Variants in KDM4C observed in about 807,000 individuals in gnomAD.
KDM4C encodes lysine-specific demethylase 4C.
KDM4C carries 81 observed loss-of-function variants against 129.3 expected under a neutral mutation model. The ratio of observed to expected loss-of-function variants is 0.63; its 90% confidence interval spans 0.52 to 0.75. The LOEUF (loss-of-function observed/expected upper bound fraction) is 0.75, where lower values mean the gene tolerates loss of function less well. Ranked by LOEUF, KDM4C falls within the 30% of genes least tolerant of loss-of-function variation. The probability of loss-of-function intolerance (pLI) is 0.00; values close to 1 mark genes in which losing one functional copy is unlikely to be tolerated. For synonymous variants in KDM4C, 573 were observed against 456.1 expected (o/e 1.26, Z -3.26); for missense variants, 1,457 against 1,304.0 (o/e 1.12, Z -1.81).
intron 8 of KDM4C, among the ~76,000 whole-genome samples, chr9:6,909,411 A>C (rs1818877415): frequency 6.6e-6 from 1 of 152,206 alleles, no homozygotes; most frequent in African/African-American, 2.4e-5. Flanking sequence ...TGGGTGTGTG[A>C]TGACCATCTG....
At chr9:7,023,290 C>A (rs1011717946) in intron 15 of KDM4C, among the ~76,000 whole-genome samples, 5 of 151,930 alleles carry the variant, frequency 3.3e-5, no homozygotes, top group Non-Finnish European at 5.9e-5. Flanking sequence ...ACTGGGAGAC[C>A]TTTTTATTAT....
intron 1 of KDM4C, among the ~76,000 whole-genome samples, chr9:6,728,414 A>T (rs995177151): frequency 5.3e-5 from 8 of 152,052 alleles, no homozygotes; most frequent in Non-Finnish European, 1.0e-4. Context: ...CGCGCCTGAA[A>T]TCCCCACTAC....
intron 1 of KDM4C, among the ~76,000 whole-genome samples, chr9:6,773,770 CAAA>C (rs963946653): frequency 3.9e-5 from 3 of 77,210 alleles, no homozygotes; most frequent in African/African-American, 4.5e-5. Context: ...GACTCTGTCT[CAAA>C]AAAAAAAAAA....
At chr9:6,919,247 T>TTTCTTTTC in intron 8 of KDM4C, among the ~76,000 whole-genome samples, 161 of 106,344 alleles carry the variant, frequency 1.5e-3, no homozygotes, top group Admixed American at 7.9e-3. Flanking sequence ...TCTTTCTTTC[T>TTTCTTTTC]TTTCTTTCTT....
chr9:6,810,467 C>G (rs1830941767), intron 3 of KDM4C, among the ~76,000 whole-genome samples: 1 of 152,052 alleles, frequency 6.6e-6, no homozygotes, highest in Non-Finnish European at 1.5e-5. Flanking sequence ...TCTTGACATT[C>G]TGGGGTTTAG....
chr9:6,778,735 C>A (rs1019055130), intron 1 of KDM4C, among the ~76,000 whole-genome samples: 1 of 151,696 alleles, frequency 6.6e-6, no homozygotes, highest in Non-Finnish European at 1.5e-5. Context: ...CCACTACACT[C>A]CAGCCTGGGT....
chr9:6,846,449 T>C (rs1376298529), intron 4 of KDM4C, among the ~76,000 whole-genome samples: 1 of 152,174 alleles, frequency 6.6e-6, no homozygotes, highest in Non-Finnish European at 1.5e-5. Flanking sequence ...ACAGACCTGG[T>C]ACTGTTCAGA....
At chr9:7,046,992 C>T in intron 16 of KDM4C, 75 bp downstream of exon 16, 3 of 1,037,310 alleles carry the variant, frequency 2.9e-6, no homozygotes, top group Non-Finnish European at 4.5e-6. Context: ...TGACAGTTCG[C>T]TTTACCTCTC....
At chr9:6,859,652 G>A (rs767404035) in intron 5 of KDM4C, among the ~76,000 whole-genome samples, 15 of 150,300 alleles carry the variant, frequency 1.0e-4, no homozygotes, top group South Asian at 2.1e-4. Flanking sequence ...CGCGAGATCC[G>A]GAGATCGAAA....
intron 5 of KDM4C, among the ~76,000 whole-genome samples, chr9:6,865,979 T>C (rs539222736): frequency 7.4e-4 from 112 of 152,190 alleles, no homozygotes; most frequent in Non-Finnish European, 1.3e-3. Flanking sequence ...GGTCTCGATC[T>C]CCTGACCTTG....
intron 17 of KDM4C, among the ~76,000 whole-genome samples, chr9:7,072,606 C>A (rs1833358667): frequency 6.6e-6 from 1 of 152,032 alleles, no homozygotes; most frequent in Admixed American, 6.6e-5. Context: ...TAGTGCTGGG[C>A]CTTATGCATG....
intron 15 of KDM4C, among the ~76,000 whole-genome samples, chr9:7,020,412 G>A (rs773531294): frequency 6.6e-6 from 1 of 152,144 alleles, no homozygotes; most frequent in African/African-American, 2.4e-5. Context: ...GACAGCTATA[G>A]CGTTTGACTT....
At chr9:6,935,542 C>G (rs1824617349) in intron 8 of KDM4C, among the ~76,000 whole-genome samples, 1 of 151,610 alleles carries the variant, frequency 6.6e-6, no homozygotes, top group South Asian at 2.1e-4. Context: ...CTTGGCCTCC[C>G]AAGTAGCTGG....
intron 20 of KDM4C, among the ~76,000 whole-genome samples, chr9:7,168,686 A>G (rs547747856): frequency 1.3e-5 from 2 of 152,314 alleles, no homozygotes; most frequent in East Asian, 3.9e-4. Context: ...CTTTGATGGC[A>G]TTTGATTGAA....
intron 8 of KDM4C, among the ~76,000 whole-genome samples, chr9:6,958,179 A>G (rs983243730): frequency 6.6e-6 from 1 of 152,038 alleles, no homozygotes; most frequent in Admixed American, 6.6e-5. Context: ...GTGACTCACA[A>G]TGCCGTCTTT....
chr9:7,169,918 A>G, intron 21 of KDM4C, 28 bp downstream of exon 21: 1 of 1,613,418 alleles, frequency 6.2e-7, no homozygotes, highest in East Asian at 2.2e-5. Flanking sequence ...CCACTTGGGG[A>G]CCTGCCAAGT....
intron 19 of KDM4C, among the ~76,000 whole-genome samples, chr9:7,139,031 G>A (rs556441170): frequency 6.6e-6 from 1 of 152,076 alleles, no homozygotes; most frequent in Non-Finnish European, 1.5e-5. Flanking sequence ...CAGCACCTTG[G>A]GAGTTCGAGG....
intron 8 of KDM4C, among the ~76,000 whole-genome samples, chr9:6,902,183 G>A (rs1054726447): frequency 3.9e-5 from 6 of 152,126 alleles, no homozygotes; most frequent in Admixed American, 3.3e-4. Context: ...GTAATGTTTT[G>A]TACATATATC....
chr9:7,068,122 A>G (rs1315253676), intron 17 of KDM4C, among the ~76,000 whole-genome samples: 1 of 152,154 alleles, frequency 6.6e-6, no homozygotes, highest in Non-Finnish European at 1.5e-5. Flanking sequence ...CTATGGAGAA[A>G]ATAACTTGGG....
Sources: gnomAD v4.1 joint callset for allele counts (sites outside exome capture counted in the v4.1 genomes callset) on GRCh38, gnomAD v4.1.1 for gene constraint, MANE v1.5 for transcripts, NCBI Gene and HGNC (gene_info 2026-07-23, HGNC 2026-07-21) for gene names.